Variants in ASTN2 observed in about 807,000 individuals in gnomAD.
ASTN2 encodes the protein astrotactin-2.
Under a neutral mutation model 139.8 loss-of-function variants are expected in ASTN2, and 54 were observed. The observed-to-expected ratio is 0.39, with a 90% CI of 0.31 to 0.48. ASTN2 has a LOEUF of 0.48. Among genes scored for constraint, ASTN2 ranks in the 20% least tolerant of loss-of-function variants. ASTN2 has a pLI of 0.95. For missense variants in ASTN2, 1,565 were observed against 1,725.1 expected (o/e 0.91, Z 1.64); for synonymous variants, 756 against 719.5 (o/e 1.05, Z -0.81).
chr9:116,816,780 C>T (rs1831341116), intron 12 of ASTN2, among the ~76,000 whole-genome samples: 1 of 151,940 alleles, frequency 6.6e-6, no homozygotes. Flanking sequence ...AGAACGTAAA[C>T]TGATGAGAGG....
At chr9:116,983,063 C>T (rs1430477618) in intron 7 of ASTN2, among the ~76,000 whole-genome samples, 1 of 152,212 alleles carries the variant, frequency 6.6e-6, no homozygotes, top group Non-Finnish European at 1.5e-5. Flanking sequence ...TTTTCACTTG[C>T]TTCTAACTCA....
At chr9:116,972,048 A>G (rs1836223098) in intron 10 of ASTN2, among the ~76,000 whole-genome samples, 2 of 152,210 alleles carry the variant, frequency 1.3e-5, no homozygotes, top group Non-Finnish European at 2.9e-5. Context: ...TCACAGAGTT[A>G]AAACACTCAT....
intron 22 of ASTN2, among the ~76,000 whole-genome samples, chr9:116,436,684 T>C (rs532285583): frequency 1.3e-5 from 2 of 152,262 alleles, no homozygotes; most frequent in Admixed American, 6.5e-5. Context: ...TGTGATTCCA[T>C]GTAAGATTTA....
At chr9:116,776,153 C>T (rs1207827098) in intron 13 of ASTN2, among the ~76,000 whole-genome samples, 1 of 152,132 alleles carries the variant, frequency 6.6e-6, no homozygotes, top group East Asian at 1.9e-4. Context: ...GCTCTTCTCA[C>T]TAAACAGGCA....
chr9:117,223,714 T>C (rs1003373269), intron 2 of ASTN2, among the ~76,000 whole-genome samples: 3 of 152,230 alleles, frequency 2.0e-5, no homozygotes, highest in African/African-American at 7.2e-5. Context: ...TTTGCATGTA[T>C]ACATGTATGT....
chr9:117,057,135 A>T (rs1203992363), intron 5 of ASTN2, among the ~76,000 whole-genome samples: 1 of 152,158 alleles, frequency 6.6e-6, no homozygotes, highest in Non-Finnish European at 1.5e-5. Context: ...GTTCTCAGTG[A>T]CTGTTAGTTG....
At chr9:116,536,636 G>T (rs1422091887) in intron 19 of ASTN2, among the ~76,000 whole-genome samples, 1 of 152,260 alleles carries the variant, frequency 6.6e-6, no homozygotes, top group East Asian at 1.9e-4. Flanking sequence ...GACCCTGTTT[G>T]CCTGGGTATC....
intron 20 of ASTN2, among the ~76,000 whole-genome samples, chr9:116,448,383 T>G (rs1400701122): frequency 6.6e-6 from 1 of 151,900 alleles, no homozygotes; most frequent in East Asian, 1.9e-4. Flanking sequence ...TCTGGGAAGC[T>G]GGATGGCCAG....
At chr9:117,166,915 TTA>T (rs1432093779) in intron 3 of ASTN2, among the ~76,000 whole-genome samples, 68 of 152,152 alleles carry the variant, frequency 4.5e-4, no homozygotes, top group African/African-American at 1.6e-3. Flanking sequence ...AAAGGGATAA[TTA>T]TGTTGACAAC....
At chr9:116,609,326 C>G (rs55721606) in intron 19 of ASTN2, among the ~76,000 whole-genome samples, 1 of 113,608 alleles carries the variant, frequency 8.8e-6, no homozygotes, top group South Asian at 2.9e-4. Context: ...CTCTCTCTCT[C>G]TCTATATATA....
chr9:117,110,470 T>C lies in ASTN2; in HGVS notation c.1169-14319A>G, dbSNP rs1010111150. The stretch of plus-strand genomic sequence containing the variant: ...GGCTTTGATGATGATGATAAAATAA[T>C]GTAGAAAATACTTACATTTCAATAC... On this transcript the variant is annotated intron_variant, in intron 4 of 22. Transcript: ENST00000313400. 2.0e-5 allele frequency among the ~76,000 whole-genome samples: 3 copies of C among 152,158 alleles called. No individual in the cohort carries two copies. In the East Asian group the frequency reaches 5.8e-4, roughly 29 times the overall value.
At position 117,064,299 on chromosome 9, in the gene ASTN2, T is replaced by C. The variant is rs766522207; in HGVS notation, c.1277-24334A>G. Among the ~76,000 whole-genome samples the C allele has an allele frequency of 5.7e-4, 87 of 152,096 alleles. 1 individual carries two copies. The highest frequency in any genetic ancestry group is 8.8e-5 in the Non-Finnish European group (6 of 68,026). Reference sequence around the variant, plus strand: ...TGCTGCAGTCCAGCTTCCAGCCAGATTGCTATTTTGGTATCTACTGGGTGT... The same window carrying C: ...TGCTGCAGTCCAGCTTCCAGCCAGACTGCTATTTTGGTATCTACTGGGTGT... On this transcript the variant is annotated intron_variant, in intron 5 of 22. Transcript: ENST00000313400.
At chr9:116,465,609 A>G (rs1848626506) in intron 20 of ASTN2, among the ~76,000 whole-genome samples, 1 of 152,230 alleles carries the variant, frequency 6.6e-6, no homozygotes, top group Non-Finnish European at 1.5e-5. Flanking sequence ...TTAAATTACT[A>G]TTAATAATAA....
intron 4 of ASTN2, among the ~76,000 whole-genome samples, chr9:117,128,300 G>A (rs1016034313): frequency 1.3e-4 from 19 of 141,182 alleles, no homozygotes; most frequent in African/African-American, 4.7e-4. Flanking sequence ...CTTGAACCCG[G>A]GAGGTGGAGG....
chr9:116,736,962 G>GC (rs1307268698), intron 13 of ASTN2, among the ~76,000 whole-genome samples: 1 of 152,142 alleles, frequency 6.6e-6, no homozygotes, highest in African/African-American at 2.4e-5. Flanking sequence ...AACTCAGGAG[G>GC]CAGGGGCCTG....
intron 10 of ASTN2, among the ~76,000 whole-genome samples, chr9:116,901,447 G>T (rs1039834112): frequency 2.0e-5 from 3 of 152,174 alleles, no homozygotes; most frequent in Non-Finnish European, 4.4e-5. Flanking sequence ...AGTTTAAGAG[G>T]TTGAGGCAGC....
chr9:116,997,986 G>T (rs1275062812), intron 7 of ASTN2, among the ~76,000 whole-genome samples: 1 of 152,146 alleles, frequency 6.6e-6, no homozygotes, highest in African/African-American at 2.4e-5. Flanking sequence ...TCTGATGAGA[G>T]AAATGGGATT....
At chr9:116,482,106 C>G (rs1203534270) in intron 20 of ASTN2, among the ~76,000 whole-genome samples, 3 of 152,166 alleles carry the variant, frequency 2.0e-5, no homozygotes, top group Non-Finnish European at 4.4e-5. Flanking sequence ...GCAGGCGGAT[C>G]ACAAGGTCAA....
intron 19 of ASTN2, among the ~76,000 whole-genome samples, chr9:116,555,279 C>T (rs1486201893): frequency 3.9e-5 from 6 of 152,122 alleles, no homozygotes; most frequent in Non-Finnish European, 8.8e-5. Flanking sequence ...CCCCAGTCTG[C>T]GCCTCTCTGC....
Sources: allele counts gnomAD v4.1 joint callset (sites outside exome capture counted in the v4.1 genomes callset), GRCh38; gene constraint gnomAD v4.1.1; transcripts MANE v1.5; gene names NCBI Gene and HGNC (gene_info 2026-07-23, HGNC 2026-07-21).